Variants in SAXO1 observed in about 807,000 individuals in gnomAD.
SAXO1 encodes stabilizer of axonemal microtubules 1.
A neutral mutation model predicts 17.5 loss-of-function variants in SAXO1; 21 were observed. The ratio of observed to expected loss-of-function variants is 1.20; its 90% CI spans 0.85 to 1.72. The LOEUF is 1.72. SAXO1 is among the 40% of genes most tolerant of loss of function. The probability of loss-of-function intolerance (pLI) is 0.00; values close to 1 mark genes in which losing one functional copy is unlikely to be tolerated. For synonymous variants in SAXO1, 274 were observed against 216.5 expected, an observed-to-expected ratio of 1.27 and a Z score of -2.33; for missense variants, 843 against 596.0, an observed-to-expected ratio of 1.41 and a Z score of -4.32.
At chr9:18,948,127 C>G (rs1324014063) in intron 2 of SAXO1, among the ~76,000 whole-genome samples, 1 of 152,218 alleles carries the variant, frequency 6.6e-6, no homozygotes, top group South Asian at 2.1e-4. Flanking sequence ...TGTGCAGACA[C>G]TGGGCTGACG....
In SAXO1 at chr9:19,030,817, G is replaced by A. The variant is rs568669645; in HGVS notation, c.38+2054C>T. ...ATGGAAGATTGCTGGCACCATGAAT[G>A]GGGCAGATACCAGAATAATGTTTGA... On this transcript the variant is annotated intron_variant, in intron 1 of 3. Coordinates refer to ENST00000380534, the MANE Select transcript of SAXO1 (RefSeq NM_153707.4). Among the ~76,000 whole-genome samples, 3 of 152,212 alleles carry A rather than the reference G, an allele frequency of 2.0e-5. No homozygotes were observed. The South Asian group carries it at 6.2e-4, about 32-fold the overall frequency.
At chr9:18,976,570 C>T (rs1379857459) in intron 1 of SAXO1, among the ~76,000 whole-genome samples, 1 of 152,174 alleles carries the variant, frequency 6.6e-6, no homozygotes, top group East Asian at 1.9e-4. Flanking sequence ...CCATAAAAAG[C>T]AACTATTCCT....
intron 1 of SAXO1, among the ~76,000 whole-genome samples, chr9:19,019,775 G>A (rs1270650254): frequency 6.6e-6 from 1 of 152,056 alleles, no homozygotes; most frequent in East Asian, 1.9e-4. Context: ...AATTTCTTAT[G>A]GTTCTAACTG....
Position 18,927,804 on chromosome 9 carries a change from A to C in SAXO1, c.*248T>G. On this transcript the variant is annotated 3_prime_UTR_variant, in exon 4 of 4. Transcript: ENST00000380534. ...ACCAACTTTGATTCCATAAGCACAA[A>C]GTAAAGGACCTGAAACGGGGTGGGG... The C allele has an allele frequency of 2.4e-6, 1 of 413,584 alleles. No individual in the cohort carries two copies. 25.6% of individuals were successfully genotyped at this position (413,584 alleles called of 1,614,324 possible).
At chr9:19,028,557 C>CA (rs368390776) in intron 1 of SAXO1, among the ~76,000 whole-genome samples, 5 of 152,014 alleles carry the variant, frequency 3.3e-5, no homozygotes, top group African/African-American at 1.2e-4. Flanking sequence ...ACATTAGTTT[C>CA]AAAAAAAATT....
chr9:19,003,239 A>G (rs968745360), intron 1 of SAXO1, among the ~76,000 whole-genome samples: 2 of 152,220 alleles, frequency 1.3e-5, no homozygotes, highest in Non-Finnish European at 2.9e-5. Flanking sequence ...CAACGAAATA[A>G]AAGAGGACAC....
intron 3 of SAXO1, among the ~76,000 whole-genome samples, chr9:18,935,831 A>G (rs1454448718): frequency 6.6e-6 from 1 of 152,116 alleles, no homozygotes; most frequent in Non-Finnish European, 1.5e-5. Flanking sequence ...GATGCACTCT[A>G]TTCCCAATCA....
At chr9:19,010,989 G>A (rs931654792) in intron 1 of SAXO1, among the ~76,000 whole-genome samples, 1 of 152,080 alleles carries the variant, frequency 6.6e-6, no homozygotes, top group South Asian at 2.1e-4. Context: ...GGCCCAGAAA[G>A]GTTTTTAAAA....
chr9:19,000,711 TA>T (rs1381757403), intron 1 of SAXO1, among the ~76,000 whole-genome samples: 1 of 146,294 alleles, frequency 6.8e-6, no homozygotes, highest in African/African-American at 2.7e-5. Context: ...ATTAAAAAAA[TA>T]AAAATAAAAA....
intron 1 of SAXO1, among the ~76,000 whole-genome samples, chr9:18,984,743 A>G (rs1005273179): frequency 3.9e-5 from 6 of 152,312 alleles, no homozygotes; most frequent in African/African-American, 1.4e-4. Context: ...CTTTCCCCAT[A>G]TCAGCAATAA....
intron 2 of SAXO1, among the ~76,000 whole-genome samples, chr9:18,947,490 C>G (rs1831847706): frequency 1.3e-5 from 2 of 152,208 alleles, no homozygotes; most frequent in African/African-American, 4.8e-5. Flanking sequence ...CCATTCCACT[C>G]TACCCATGGT....
intron 1 of SAXO1, among the ~76,000 whole-genome samples, chr9:19,006,020 G>C (rs1479420064): frequency 6.6e-6 from 1 of 152,138 alleles, no homozygotes; most frequent in Non-Finnish European, 1.5e-5. Context: ...GACATGAAAA[G>C]ATTTTCAGTA....
chr9:19,006,715 C>G (rs1030689191), intron 1 of SAXO1, among the ~76,000 whole-genome samples: 1 of 152,138 alleles, frequency 6.6e-6, no homozygotes, highest in African/African-American at 2.4e-5. Flanking sequence ...ACAACATTGT[C>G]AATGTTTTGA....
chr9:19,006,953 G>A (rs1268224785), intron 1 of SAXO1, among the ~76,000 whole-genome samples: 1 of 152,106 alleles, frequency 6.6e-6, no homozygotes, highest in Admixed American at 6.5e-5. Context: ...GCTGATGCAG[G>A]ACAATCACGT....
intron 1 of SAXO1, among the ~76,000 whole-genome samples, chr9:19,007,418 C>T (rs755023466): frequency 3.9e-5 from 6 of 152,058 alleles, no homozygotes; most frequent in Non-Finnish European, 5.9e-5. Context: ...TTTAAAAAAA[C>T]AAAGAAGTTC....
Position 18,927,943 on chromosome 9 carries a change from T to C in SAXO1, c.*109A>G, listed in dbSNP as rs966069127. The stretch of plus-strand genomic sequence containing the variant: ...TGCTCTGGAAGTGGTGAAGGTTTTT[T>C]GTTTTTTGTTTTTTGTCATTTTAGG... On this transcript the variant is annotated 3_prime_UTR_variant, in exon 4 of 4. Transcript: ENST00000380534. 2 of 1,267,482 alleles carry C rather than the reference T, an allele frequency of 1.6e-6. No individual in the cohort carries two copies. Among genetic ancestry groups the C allele is most frequent in the Non-Finnish European group, 2.2e-6 (2 of 927,282 alleles). 78.5% of individuals were successfully genotyped at this position (1,267,482 alleles called of 1,614,324 possible). A position where few individuals can be genotyped will look rare whatever the true frequency, so the allele number is the denominator to read the frequency against.
rs10963891 is a variant in SAXO1, at chr9:18,980,529, G to A, written c.39-29592C>T. Reference sequence around the variant, plus strand: ...CAGATCTGAGCAGCAAGGTAGTGGCGGGGGGAGGGAGGGAGGGAGGGAAGA... The same window carrying A: ...CAGATCTGAGCAGCAAGGTAGTGGCAGGGGGAGGGAGGGAGGGAGGGAAGA... On this transcript the variant is annotated intron_variant, in intron 1 of 3. Coordinates refer to ENST00000380534, the MANE Select transcript of SAXO1 (RefSeq NM_153707.4). Among the ~76,000 whole-genome samples, 261 of 49,542 alleles carry A rather than the reference G, an allele frequency of 5.3e-3. 2 individuals are homozygous for A. Among genetic ancestry groups the A allele is most frequent in the Middle Eastern group, 0.011 (1 of 88 alleles). The allele number at this position is 49,542 out of a possible 152,430, so 32.5% of individuals were successfully genotyped here. A position where few individuals can be genotyped will look rare whatever the true frequency, so the allele number is the denominator to read the frequency against.
chr9:18,972,885 C>T (rs1833003894), intron 1 of SAXO1, among the ~76,000 whole-genome samples: 1 of 152,200 alleles, frequency 6.6e-6, no homozygotes, highest in Non-Finnish European at 1.5e-5. Context: ...CCAGAGTACA[C>T]ATGGGGAGGC....
chr9:19,023,876 A>G (rs1326511920), intron 1 of SAXO1, among the ~76,000 whole-genome samples: 2 of 152,030 alleles, frequency 1.3e-5, no homozygotes, highest in Non-Finnish European at 2.9e-5. Flanking sequence ...CAGGCACAGT[A>G]GCTCCTCACA....
Sources: gnomAD v4.1 joint callset for allele counts (sites outside exome capture counted in the v4.1 genomes callset) on GRCh38, gnomAD v4.1.1 for gene constraint, MANE v1.5 for transcripts, NCBI Gene and HGNC (gene_info 2026-07-23, HGNC 2026-07-21) for gene names.